OR6J1: variants seen among roughly 807,000 people sequenced by gnomAD.
The protein encoded by OR6J1 is olfactory receptor family 6 subfamily J member 1.
For missense variants in OR6J1, 304 were observed against 166.8 expected (o/e 1.82, Z -4.53); for synonymous variants, 109 against 70.0 (o/e 1.56, Z -2.78).
Position 22,632,995 on chromosome 14 carries a change from T to C in OR6J1, c.*773A>G, listed in dbSNP as rs1348872364. 1 of 152,218 alleles carries C rather than the reference T, an allele frequency of 6.6e-6. No homozygotes were observed. The highest frequency in any genetic ancestry group is 1.5e-5 in the Non-Finnish European group (1 of 68,044). The allele number at this position is 152,218 out of a possible 1,614,324, so 9.4% of individuals were successfully genotyped here. A position where few individuals can be genotyped will look rare whatever the true frequency, so the allele number is the denominator to read the frequency against. On this transcript the variant is annotated 3_prime_UTR_variant, in exon 2 of 2. Coordinates refer to ENST00000540461, the MANE Select transcript of OR6J1 (RefSeq NM_001348233.2). ...CCTATTTCTGCTTCCAGGGGAAGCA[T>C]CACACTTGTGTGGAATAATCTCTGT...
At position 22,634,391 on chromosome 14, in the gene OR6J1, T is replaced by G; in HGVS notation, c.421A>C (p.Ile141Leu). The change falls in exon 2 of 2, where the codon ATT becomes CTT. Residue 141 changes from isoleucine (I) to leucine (L), a missense_variant. By Grantham distance (5) the Ile-to-Leu change is conservative. Coordinates refer to ENST00000540461, the MANE Select transcript of OR6J1 (RefSeq NM_001348233.2). ...ACCCAAGAGAATACAACGGTCCCAA[T>G]GCAGACAGAAGGTCTCATGATGGTG... ...YTTIMRPSVC[I>L]GTVVFSWVGG... 1.4e-6 allele frequency: 1 copy of G among 703,250 alleles called. No individual in the cohort carries two copies. Among genetic ancestry groups the G allele is most frequent in the Non-Finnish European group, 2.6e-6 (1 of 384,942 alleles). 43.6% of individuals were successfully genotyped at this position (703,250 alleles called of 1,614,324 possible).
chr14:22,637,531 G>A (rs1468437173), intron 1 of OR6J1, among the ~76,000 whole-genome samples: 1 of 35,302 alleles, frequency 2.8e-5, no homozygotes. Context: ...GTCCGGGAGG[G>A]GGGAGGGGGG....
In OR6J1 at chr14:22,637,931, G is replaced by A. The variant is rs1158609483; in HGVS notation, c.-27-3093C>T. On this transcript the variant is annotated intron_variant, in intron 1 of 1. Coordinates refer to ENST00000540461, the MANE Select transcript of OR6J1 (RefSeq NM_001348233.2). ...GGGGTCAGCCCCCGCCCGGCCGGCC[G>A]CCCCGTCCGGGAGGTGAGGGAGGCC... is the stretch of plus-strand genomic sequence containing the variant. Among the ~76,000 whole-genome samples, 23 of 79,080 alleles carry A rather than the reference G, an allele frequency of 2.9e-4. 3 individuals are homozygous for A. The highest frequency in any genetic ancestry group is 2.2e-3 in the Admixed American group (23 of 10,302). 51.9% of individuals were successfully genotyped at this position (79,080 alleles called of 152,430 possible).
rs1289162975 is a variant in OR6J1, at chr14:22,639,500, G to C, written c.-28+4598C>G. Reference sequence around the variant, plus strand: ...TGGGAGGTGTGCCCAACAGCTCATTGAGAACGGGTCAGGATGACAATGGCG... The same window carrying C: ...TGGGAGGTGTGCCCAACAGCTCATTCAGAACGGGTCAGGATGACAATGGCG... On this transcript the variant is annotated intron_variant, in intron 1 of 1. Transcript: ENST00000540461. 3.0e-5 allele frequency among the ~76,000 whole-genome samples: 4 copies of C among 132,772 alleles called. No homozygotes were observed. The East Asian group carries it at 8.2e-4, about 27-fold the overall frequency. The allele number at this position is 132,772 out of a possible 152,430, so 87.1% of individuals were successfully genotyped here.
chr14:22,632,867 T>G lies in OR6J1; in HGVS notation c.*901A>C, dbSNP rs1237816577. On this transcript the variant is annotated 3_prime_UTR_variant, in exon 2 of 2. Coordinates refer to ENST00000540461, the MANE Select transcript of OR6J1 (RefSeq NM_001348233.2). ...GCTGTCATCTCTCTCTTCTCTGTTTTTCTCTATACATCAACTGCATTCTCT... is the reference window on the plus strand; with the variant it reads ...GCTGTCATCTCTCTCTTCTCTGTTTGTCTCTATACATCAACTGCATTCTCT... The G allele has an allele frequency of 6.6e-6, 1 of 152,200 alleles. No homozygotes were observed. Among genetic ancestry groups the G allele is most frequent in the African/African-American group, 2.4e-5 (1 of 41,438 alleles). 9.4% of individuals were successfully genotyped at this position (152,200 alleles called of 1,614,324 possible).
In OR6J1 at chr14:22,633,520, C is replaced by T. The variant is rs2037561240; in HGVS notation, c.*248G>A. The T allele has an allele frequency of 1.1e-5, 5 of 457,020 alleles. No homozygotes were observed. The highest frequency in any genetic ancestry group is 1.9e-5 in the Non-Finnish European group (5 of 259,840). The allele number at this position is 457,020 out of a possible 1,614,324, so 28.3% of individuals were successfully genotyped here. A position where few individuals can be genotyped will look rare whatever the true frequency, so the allele number is the denominator to read the frequency against. ...TGTTAGGACTTTAGGAGGAAATAGGCTGCATGGCCCTTCCATTCTTACAAT... is the reference window on the plus strand; with the variant it reads ...TGTTAGGACTTTAGGAGGAAATAGGTTGCATGGCCCTTCCATTCTTACAAT... On this transcript the variant is annotated 3_prime_UTR_variant, in exon 2 of 2. Coordinates refer to ENST00000540461, the MANE Select transcript of OR6J1 (RefSeq NM_001348233.2).
At chr14:22,641,306 G>GGAAA (rs1286575544) in intron 1 of OR6J1, among the ~76,000 whole-genome samples, 28,124 of 75,156 alleles carry the variant, frequency 0.37, 5,913 homozygotes, top group African/African-American at 0.57. Context: ...GAGACAGAGA[G>GGAAA]GAAAGAGAGA....
At position 22,633,995 on chromosome 14, in the gene OR6J1, G is replaced by A. The variant is rs767186814; in HGVS notation, c.817C>T (p.Pro273Ser). Reference protein sequence around the residue: ...QKEYLEINKIPLVLSSVVTPF... With the variant: ...QKEYLEINKISLVLSSVVTPF... Reference sequence around the variant, plus strand: ...GTCACCACACTGCTCAGAACCAAAGGGATCTTGTTGATCTCCAGATATTCT... The same window carrying A: ...GTCACCACACTGCTCAGAACCAAAGAGATCTTGTTGATCTCCAGATATTCT... Residue 273 changes from proline to serine, a missense_variant, in exon 2 of 2, where the codon CCT (proline) becomes TCT (serine). Transcript: ENST00000540461. 3 of 702,832 alleles carry A rather than the reference G, an allele frequency of 4.3e-6. No individual in the cohort carries two copies. The highest frequency in any genetic ancestry group is 3.0e-5 in the South Asian group (2 of 67,584). 43.5% of individuals were successfully genotyped at this position (702,832 alleles called of 1,614,324 possible). A position where few individuals can be genotyped will look rare whatever the true frequency, so the allele number is the denominator to read the frequency against.
rs1447455021 is a variant in OR6J1, at chr14:22,631,047, A to AC, written c.*2720dup. On this transcript the variant is annotated 3_prime_UTR_variant, in exon 2 of 2. Transcript: ENST00000540461. ...GGACTTTCAAAAGGGGAGGGAGTGTACGAATAGGTGTGGGTCACAGAGGTC... is the reference window on the plus strand; with the variant it reads ...GGACTTTCAAAAGGGGAGGGAGTGTACCGAATAGGTGTGGGTCACAGAGGTC... 5.9e-5 allele frequency: 9 copies of AC among 152,210 alleles called. No individual in the cohort carries two copies. Among genetic ancestry groups the AC allele is most frequent in the African/African-American group, 2.2e-4 (9 of 41,446 alleles). The allele number at this position is 152,210 out of a possible 1,614,324, so 9.4% of individuals were successfully genotyped here.
intron 1 of OR6J1, among the ~76,000 whole-genome samples, chr14:22,643,464 T>C (rs1274819381): frequency 1.3e-5 from 2 of 150,950 alleles, no homozygotes; most frequent in African/African-American, 4.9e-5. Context: ...CCCGGCCAAT[T>C]TTTGTATTTT....
Position 22,642,836 on chromosome 14 carries a change from T to C in OR6J1, c.-28+1262A>G, listed in dbSNP as rs190175364. 1.0e-2 allele frequency among the ~76,000 whole-genome samples: 1,518 copies of C among 152,214 alleles called. 7 individuals carry two copies. Among genetic ancestry groups the C allele is most frequent in the Non-Finnish European group, 0.015 (1,045 of 68,002 alleles). On this transcript the variant is annotated intron_variant, in intron 1 of 1. Transcript: ENST00000540461. ...ATTTTTTTTAGAGACAGGGTCCTGC[T>C]CTGTCAGTGAGGCTGTAGTGCAGTG...
In OR6J1 at chr14:22,641,156, T is replaced by G. The variant is rs996036324; in HGVS notation, c.-28+2942A>C. Reference sequence around the variant, plus strand: ...TCCAGCCTAGGTGACAGAGTGAGACTCTGAAGAAAGAAAGAGAGAGAGAGA... The same window carrying G: ...TCCAGCCTAGGTGACAGAGTGAGACGCTGAAGAAAGAAAGAGAGAGAGAGA... On this transcript the variant is annotated intron_variant, in intron 1 of 1. Coordinates refer to ENST00000540461, the MANE Select transcript of OR6J1 (RefSeq NM_001348233.2). Among the ~76,000 whole-genome samples the G allele has an allele frequency of 1.1e-4, 15 of 142,244 alleles. 2 individuals carry two copies. The highest frequency in any genetic ancestry group is 2.0e-4 in the Non-Finnish European group (13 of 65,750). 93.3% of individuals were successfully genotyped at this position (142,244 alleles called of 152,430 possible). A position where few individuals can be genotyped will look rare whatever the true frequency, so the allele number is the denominator to read the frequency against.
At chr14:22,643,762 CACAGAG>C (rs1372116752) in intron 1 of OR6J1, among the ~76,000 whole-genome samples, 34 of 53,116 alleles carry the variant, frequency 6.4e-4, no homozygotes, top group East Asian at 8.7e-4. Context: ...CACACACACA[CACAGAG>C]AGAGAGAGAG....
chr14:22,637,784 C>G (rs1424041208), intron 1 of OR6J1, among the ~76,000 whole-genome samples: 20 of 58,660 alleles, frequency 3.4e-4, no homozygotes, highest in African/African-American at 7.7e-4. Flanking sequence ...AGGTGAGGGG[C>G]GCCTCTGCCC....
rs1404084661 is a variant in OR6J1 at position 22,641,423 on chromosome 14, G to A, written c.-28+2675C>T. On this transcript the variant is annotated intron_variant, in intron 1 of 1. Coordinates refer to ENST00000540461, the MANE Select transcript of OR6J1 (RefSeq NM_001348233.2). Reference sequence around the variant, plus strand: ...AAAGGAAGGATGGAAGGAAGGAAGAGAAAGAAAGAAAGAATGAAAGAGAGA... The same window carrying A: ...AAAGGAAGGATGGAAGGAAGGAAGAAAAAGAAAGAAAGAATGAAAGAGAGA... 2.4e-3 allele frequency among the ~76,000 whole-genome samples: 74 copies of A among 30,488 alleles called. 4 individuals carry two copies. In the South Asian group the frequency reaches 0.052, roughly 21 times the overall value. The allele number at this position is 30,488 out of a possible 152,430, so 20.0% of individuals were successfully genotyped here. A position where few individuals can be genotyped will look rare whatever the true frequency, so the allele number is the denominator to read the frequency against.
intron 1 of OR6J1, among the ~76,000 whole-genome samples, chr14:22,641,210 T>TAAGAAAGAAAGAAAGAAAGA (rs992658481): frequency 1.4e-4 from 17 of 122,584 alleles, no homozygotes; most frequent in East Asian, 6.9e-4. Context: ...GAGAGAAAGA[T>TAAGAAAGAAAGAAAGAAAGA]AAGAAAGAAA....
intron 1 of OR6J1, among the ~76,000 whole-genome samples, chr14:22,643,748 CACACACACACACACACAGAGAGAGAGAG>C (rs1163258444): frequency 9.2e-6 from 1 of 108,474 alleles, no homozygotes; most frequent in Non-Finnish European, 1.9e-5. Flanking sequence ...CACACACACA[CACACACACACACACACAGAGAGAGAGAG>C]AGAGAGAGAG....
At chr14:22,643,322 G>T (rs974795767) in intron 1 of OR6J1, among the ~76,000 whole-genome samples, 1 of 141,580 alleles carries the variant, frequency 7.1e-6, no homozygotes, top group East Asian at 2.1e-4. Flanking sequence ...TTGAGACAGG[G>T]TCTCACTCTG....
rs978348561 is a variant in OR6J1, at chr14:22,634,689, G to T, written c.123C>A (p.Asn41Lys). 1 of 734,446 alleles carries T rather than the reference G, an allele frequency of 1.4e-6. No individual in the cohort carries two copies. The highest frequency in any genetic ancestry group is 2.5e-6 in the Non-Finnish European group (1 of 399,218). The allele number at this position is 734,446 out of a possible 1,614,324, so 45.5% of individuals were successfully genotyped here. A position where few individuals can be genotyped will look rare whatever the true frequency, so the allele number is the denominator to read the frequency against. The stretch of plus-strand genomic sequence containing the variant: ...ACAGCACAGTGGAGATGATGAGCAG[G>T]TTCCCCAGAAGAGTCAGCAGGAACG... The part of the protein sequence containing the change: ...LPTFLLTLLG[N>K]LLIISTVLSC... The change falls in exon 2 of 2, where the codon AAC becomes AAA. Residue 41 changes from asparagine (N) to lysine (K), a missense_variant. Physicochemically the swap from Asn to Lys is moderately conservative, Grantham distance 94 (BLOSUM62 0). Coordinates refer to ENST00000540461, the MANE Select transcript of OR6J1 (RefSeq NM_001348233.2).
Sources: gnomAD v4.1 joint callset for allele counts (sites outside exome capture counted in the v4.1 genomes callset) on GRCh38, gnomAD v4.1.1 for gene constraint, MANE v1.5 for transcripts, NCBI Gene and HGNC (gene_info 2026-07-23, HGNC 2026-07-21) for gene names.